Variants in KPNA6 observed in about 807,000 individuals in gnomAD.
KPNA6 encodes the protein importin subunit alpha-7.
KPNA6 carries 9 observed loss-of-function variants against 72.0 expected under a neutral mutation model. That is an observed-to-expected ratio of 0.13 (90% CI 0.08 to 0.22). The LOEUF is 0.22. Ranked by LOEUF, KPNA6 falls within the 10% of genes least tolerant of loss-of-function variation. KPNA6 has a pLI of 1.00. For missense variants in KPNA6, 374 were observed against 655.7 expected (o/e 0.57, Z 4.69); for synonymous variants, 219 against 242.1 (o/e 0.90, Z 0.89).
chr1:32,155,110 CAAAAAAAAAAAAAAAAAAA>C (rs144040035), intron 2 of KPNA6, among the ~76,000 whole-genome samples: 1 of 54,228 alleles, frequency 1.8e-5, no homozygotes, highest in Non-Finnish European at 3.3e-5. Flanking sequence ...AACTCCATCT[CAAAAAAAAAAAAAAAAAAA>C]AAAAGAAAAG....
At chr1:32,118,702 G>A (rs1641369568) in intron 1 of KPNA6, among the ~76,000 whole-genome samples, 1 of 151,822 alleles carries the variant, frequency 6.6e-6, no homozygotes, top group African/African-American at 2.4e-5. Context: ...TGAGACAGAA[G>A]GATCGTTTGA....
intron 1 of KPNA6, among the ~76,000 whole-genome samples, chr1:32,136,337 A>T (rs1425207225): frequency 3.3e-5 from 5 of 151,650 alleles, no homozygotes; most frequent in Non-Finnish European, 7.4e-5. Context: ...CACATGGCTA[A>T]TTTTTTTTGT....
chr1:32,159,306 T>A lies in KPNA6; in HGVS notation c.427-94T>A. ...GAGGTTTTGTTTTGGTTTTTTAAAT[T>A]CATGGGCAGGAGGCTTACTGTTCTG... On this transcript the variant is annotated intron_variant, in intron 5 of 13. Transcript: ENST00000373625. 2.2e-6 allele frequency: 3 copies of A among 1,368,158 alleles called. No homozygotes were observed. In the South Asian group the frequency reaches 4.1e-5, roughly 19 times the overall value. 84.8% of individuals were successfully genotyped at this position (1,368,158 alleles called of 1,614,324 possible).
rs370579343 is a variant in KPNA6 at position 32,166,144 on chromosome 1, T to C, written c.1030T>C (p.Leu344=). 71 of 1,614,054 alleles carry C rather than the reference T, an allele frequency of 4.4e-5. No homozygotes were observed. Among genetic ancestry groups the C allele is most frequent in the Non-Finnish European group, 5.5e-5 (65 of 1,180,020 alleles). The change falls in exon 11 of 14, where the codon TTG becomes CTG. Residue 344 remains leucine, a synonymous_variant. Coordinates refer to ENST00000373625, the MANE Select transcript of KPNA6 (RefSeq NM_012316.5). The part of the protein sequence containing the change: ...NCSALPCLLH[L]LSSPKESIRK... ...TTCAGCCCTACCTTGCCTTCTCCAC[T>C]TGTTGAGCAGTCCCAAGGAGTCAAT...
At chr1:32,158,583 T>C (rs892500461) in intron 5 of KPNA6, among the ~76,000 whole-genome samples, 2 of 152,214 alleles carry the variant, frequency 1.3e-5, no homozygotes, top group Non-Finnish European at 2.9e-5. Flanking sequence ...GTAGTTATTA[T>C]TGACTATAGT....
At chr1:32,128,508 G>A (rs1641582138) in intron 1 of KPNA6, among the ~76,000 whole-genome samples, 1 of 147,334 alleles carries the variant, frequency 6.8e-6, no homozygotes, top group Non-Finnish European at 1.5e-5. Flanking sequence ...GTGTACAGGA[G>A]ATAGTTTTCC....
Position 32,167,261 on chromosome 1 carries a change from C to G in KPNA6, c.1209C>G (p.Thr403=), listed in dbSNP as rs375722958. The part of the protein sequence containing the change: ...RTRKEAAWAI[T]NATSGGTPEQ... ...GGAAAGAGGCAGCCTGGGCCATCAC[C>G]AATGCCACATCAGGAGGAACCCCTG... The change falls in exon 12 of 14, where the codon ACC becomes ACG. Residue 403 remains threonine, a synonymous_variant. Coordinates refer to ENST00000373625, the MANE Select transcript of KPNA6 (RefSeq NM_012316.5). 1.2e-6 allele frequency: 2 copies of G among 1,614,016 alleles called. No homozygotes were observed. Among genetic ancestry groups the G allele is most frequent in the African/African-American group, 2.7e-5 (2 of 74,932 alleles).
intron 1 of KPNA6, among the ~76,000 whole-genome samples, chr1:32,125,556 T>G (rs997970682): frequency 6.6e-6 from 1 of 152,208 alleles, no homozygotes; most frequent in African/African-American, 2.4e-5. Flanking sequence ...TTGGCTGCCT[T>G]CCATGAAGTC....
chr1:32,162,367 C>T lies in KPNA6; in HGVS notation c.754C>T (p.Pro252Ser). 6.3e-7 allele frequency: 1 copy of T among 1,593,856 alleles called. No individual in the cohort carries two copies. The highest frequency in any genetic ancestry group is 8.5e-7 in the Non-Finnish European group (1 of 1,171,130). The change falls in exon 9 of 14, where the codon CCT becomes TCT. Residue 252 changes from proline (P) to serine (S), a missense_variant. Pro to Ser is a moderately conservative substitution (Grantham distance 74, BLOSUM62 -1). This residue lies in a region of KPNA6 where 298 missense variants were observed against 495.4 expected (regional missense o/e 0.60). Transcript: ENST00000373625. ...CTCACTCTGCTTCCCACAGGTCTCT[C>T]CTTGTTTGCCTGTACTGTCTCGCCT... is the stretch of plus-strand genomic sequence containing the variant. ...NPPPEFAKVS[P>S]CLPVLSRLLF...
chr1:32,113,742 T>C (rs1380916420), intron 1 of KPNA6, among the ~76,000 whole-genome samples: 3 of 152,186 alleles, frequency 2.0e-5, no homozygotes, highest in African/African-American at 7.2e-5. Context: ...CCCAGCCTAT[T>C]GTCTTATCAA....
intron 1 of KPNA6, among the ~76,000 whole-genome samples, chr1:32,117,333 C>T (rs549636572): frequency 2.6e-5 from 4 of 151,748 alleles, no homozygotes; most frequent in African/African-American, 7.3e-5. Context: ...CCACCACGCC[C>T]GGCTAACTTT....
chr1:32,111,965 A>T (rs1641250169), intron 1 of KPNA6, among the ~76,000 whole-genome samples: 1 of 152,144 alleles, frequency 6.6e-6, no homozygotes, highest in African/African-American at 2.4e-5. Context: ...TACTGTGCTA[A>T]CTGGGAATCT....
chr1:32,139,861 G>A (rs1454885164), intron 1 of KPNA6, among the ~76,000 whole-genome samples: 3 of 152,158 alleles, frequency 2.0e-5, no homozygotes, highest in Non-Finnish European at 4.4e-5. Context: ...ATTGAATCTG[G>A]ATGGTTAGTG....
chr1:32,145,094 A>C (rs1003873601), intron 1 of KPNA6, among the ~76,000 whole-genome samples: 1 of 151,684 alleles, frequency 6.6e-6, no homozygotes, highest in African/African-American at 2.4e-5. Flanking sequence ...CTGGGACTAC[A>C]GGGGCCCGCC....
chr1:32,169,041 A>G (rs145441525), intron 12 of KPNA6, among the ~76,000 whole-genome samples: 25 of 152,272 alleles, frequency 1.6e-4, no homozygotes, highest in South Asian at 8.3e-4. Context: ...CAATATCAAC[A>G]GGAAGGTAGA....
chr1:32,129,866 C>G (rs1315217011), intron 1 of KPNA6, among the ~76,000 whole-genome samples: 2 of 152,218 alleles, frequency 1.3e-5, no homozygotes, highest in East Asian at 3.9e-4. Flanking sequence ...CATTGACACT[C>G]CTGGGAGCAC....
chr1:32,159,356 C>A, intron 5 of KPNA6, 44 bp from the exon 6 acceptor site: 1 of 1,605,248 alleles, frequency 6.2e-7, no homozygotes, highest in South Asian at 1.1e-5. Flanking sequence ...CATGGCTGCT[C>A]AGTCTGAAAT....
At chr1:32,151,495 A>T (rs777442769) in intron 1 of KPNA6, among the ~76,000 whole-genome samples, 3 of 150,388 alleles carry the variant, frequency 2.0e-5, no homozygotes, top group Admixed American at 6.6e-5. Context: ...AGATTTCCCA[A>T]TTTTTTTTTT....
At chr1:32,133,356 T>C (rs1416753473) in intron 1 of KPNA6, among the ~76,000 whole-genome samples, 1 of 149,002 alleles carries the variant, frequency 6.7e-6, no homozygotes, top group East Asian at 2.0e-4. Context: ...AAAAAAAAAA[T>C]TGTGGAGGTT....
Sources: allele counts gnomAD v4.1 joint callset (sites outside exome capture counted in the v4.1 genomes callset), GRCh38; gene constraint gnomAD v4.1.1; regional missense constraint gnomAD v4.1.1; transcripts MANE v1.5; gene names NCBI Gene and HGNC (gene_info 2026-07-23, HGNC 2026-07-21).